Variants in NLGN1 observed in about 807,000 individuals in gnomAD.
The protein encoded by NLGN1 is neuroligin-1.
In NLGN1, 12 loss-of-function variants were observed where a neutral mutation model predicts 65.5. The ratio of observed to expected loss-of-function variants is 0.18; its 90% CI spans 0.12 to 0.30. The LOEUF is 0.30. NLGN1 is among the 10% of genes least tolerant of loss of function. The pLI is 1.00. For missense variants in NLGN1, 750 were observed against 1,007.1 expected, an observed-to-expected ratio of 0.74 and a Z score of 3.46; for synonymous variants, 350 against 359.5, an observed-to-expected ratio of 0.97 and a Z score of 0.30.
chr3:174,178,190 T>G (rs948856702), intron 4 of NLGN1, among the ~76,000 whole-genome samples: 5 of 152,124 alleles, frequency 3.3e-5, no homozygotes, highest in African/African-American at 1.2e-4. Flanking sequence ...CAGAAGCTTT[T>G]TCTCTTGATT....
chr3:174,018,000 A>T (rs536493985), intron 4 of NLGN1, among the ~76,000 whole-genome samples: 11 of 152,180 alleles, frequency 7.2e-5, no homozygotes, highest in Admixed American at 6.5e-4. Context: ...GGCTTATTTC[A>T]TCCCTTATCT....
chr3:173,686,454 C>T (rs913132989), intron 3 of NLGN1, among the ~76,000 whole-genome samples: 4 of 151,956 alleles, frequency 2.6e-5, no homozygotes, highest in Non-Finnish European at 4.4e-5. Flanking sequence ...CTGGGACTGA[C>T]TCTAATGGGA....
chr3:173,774,991 A>C (rs561548031), intron 3 of NLGN1, among the ~76,000 whole-genome samples: 1 of 152,248 alleles, frequency 6.6e-6, no homozygotes, highest in African/African-American at 2.4e-5. Context: ...TTATAATTGA[A>C]TCTTCTTCAA....
intron 4 of NLGN1, among the ~76,000 whole-genome samples, chr3:173,908,989 A>G (rs1045464732): frequency 1.1e-4 from 16 of 152,214 alleles, no homozygotes; most frequent in Admixed American, 6.5e-4. Context: ...CTTAAGAATC[A>G]TTAGTCTTTC....
intron 3 of NLGN1, among the ~76,000 whole-genome samples, chr3:173,751,934 G>C (rs1776359494): frequency 6.6e-6 from 1 of 152,046 alleles, no homozygotes; most frequent in Non-Finnish European, 1.5e-5. Context: ...AAATCACAGA[G>C]CTGTGATTTG....
Position 173,992,410 on chromosome 3 carries a change from G to A in NLGN1, c.646+184578G>A, listed in dbSNP as rs565520869. 5.3e-5 allele frequency among the ~76,000 whole-genome samples: 8 copies of A among 152,218 alleles called. No individual in the cohort carries two copies. The East Asian group carries it at 1.5e-3, about 29-fold the overall frequency. On this transcript the variant is annotated intron_variant, in intron 4 of 6. Transcript: ENST00000457714. ...CAGAGATACAGAAAGAACAAATTGA[G>A]AAAGTCTTTTTTTTACTCCACCCCT...
chr3:174,004,640 G>A lies in NLGN1; in HGVS notation c.646+196808G>A, dbSNP rs1723993227. ...GTGGATCTATGTTGGCTTCTTTTTA[G>A]TTGGTTATTTTCTGAATGCAAAGAT... On this transcript the variant is annotated intron_variant, in intron 4 of 6. Transcript: ENST00000457714. 5.9e-5 allele frequency among the ~76,000 whole-genome samples: 9 copies of A among 152,214 alleles called. No individual in the cohort carries two copies. In the South Asian group the frequency reaches 1.9e-3, roughly 32 times the overall value.
intron 4 of NLGN1, among the ~76,000 whole-genome samples, chr3:173,967,332 T>G (rs1039381100): frequency 2.6e-5 from 4 of 152,192 alleles, no homozygotes; most frequent in Non-Finnish European, 5.9e-5. Context: ...GTGACTGTGC[T>G]ACGCAAACTC....
At chr3:173,862,099 T>A (rs907192495) in intron 4 of NLGN1, among the ~76,000 whole-genome samples, 1 of 152,066 alleles carries the variant, frequency 6.6e-6, no homozygotes, top group African/African-American at 2.4e-5. Flanking sequence ...TCTAGGTAGT[T>A]AAAAATATTA....
intron 2 of NLGN1, among the ~76,000 whole-genome samples, chr3:173,493,013 G>A (rs1298837570): frequency 6.6e-6 from 1 of 151,698 alleles, no homozygotes; most frequent in African/African-American, 2.4e-5. Flanking sequence ...ATTATTATAT[G>A]TTAATGAATA....
chr3:173,465,443 A>G lies in NLGN1; in HGVS notation c.-321+30365A>G, dbSNP rs575702325. ...GCAAGGGGCAGAAACATCACCCCCT[A>G]GCACACAAAATTACAAAAGTTATTT... is the stretch of plus-strand genomic sequence containing the variant. On this transcript the variant is annotated intron_variant, in intron 2 of 6. Transcript: ENST00000457714. Among the ~76,000 whole-genome samples, 3 of 152,348 alleles carry G rather than the reference A, an allele frequency of 2.0e-5. No individual in the cohort carries two copies. The South Asian group carries it at 6.2e-4, about 32-fold the overall frequency.
At chr3:173,729,295 G>C (rs943030811) in intron 3 of NLGN1, among the ~76,000 whole-genome samples, 2 of 152,012 alleles carry the variant, frequency 1.3e-5, no homozygotes. Context: ...GTTGAGTTCA[G>C]ATTCATCAAT....
intron 2 of NLGN1, among the ~76,000 whole-genome samples, chr3:173,575,638 G>T (rs1462230543): frequency 6.6e-6 from 1 of 151,922 alleles, no homozygotes; most frequent in African/African-American, 2.4e-5. Flanking sequence ...TCCCATCCTT[G>T]GCTGTCATTT....
At chr3:173,535,891 T>C (rs1737354770) in intron 2 of NLGN1, among the ~76,000 whole-genome samples, 1 of 152,180 alleles carries the variant, frequency 6.6e-6, no homozygotes, top group Non-Finnish European at 1.5e-5. Flanking sequence ...TTGATAGAAC[T>C]GAGAAAACAT....
chr3:174,179,528 A>G (rs1730008544), intron 4 of NLGN1, among the ~76,000 whole-genome samples: 1 of 152,084 alleles, frequency 6.6e-6, no homozygotes, highest in Non-Finnish European at 1.5e-5. Flanking sequence ...CCGCCTTAAT[A>G]TTGTTTGTTA....
chr3:174,123,895 A>G (rs568927678), intron 4 of NLGN1, among the ~76,000 whole-genome samples: 2 of 152,264 alleles, frequency 1.3e-5, no homozygotes, highest in South Asian at 2.1e-4. Flanking sequence ...CAAGTCTTGT[A>G]TATCATCATA....
intron 2 of NLGN1, among the ~76,000 whole-genome samples, chr3:173,456,656 T>C (rs1211129008): frequency 6.6e-6 from 1 of 152,028 alleles, no homozygotes; most frequent in Non-Finnish European, 1.5e-5. Flanking sequence ...TAGGATTAGA[T>C]GATGGAACCA....
chr3:174,066,564 C>CTCTCTCTG (rs1553925385), intron 4 of NLGN1, among the ~76,000 whole-genome samples: 1,215 of 99,672 alleles, frequency 0.012, 24 homozygotes, highest in East Asian at 0.033. Flanking sequence ...CTCTCTCTCT[C>CTCTCTCTG]TGTGTGTGTG....
chr3:173,562,202 A>C lies in NLGN1; in HGVS notation c.-320-42077A>C, dbSNP rs561711107. Among the ~76,000 whole-genome samples the C allele has an allele frequency of 1.2e-4, 18 of 152,294 alleles. No homozygotes were observed. The East Asian group carries it at 2.9e-3, about 24-fold the overall frequency. ...AGAGTAGCTTGAGCTAATCCTAGAA[A>C]TTGCATATGTGTGTGCATGCATGTG... On this transcript the variant is annotated intron_variant, in intron 2 of 6. Coordinates refer to ENST00000457714, the Ensembl canonical transcript of NLGN1.
Sources: gnomAD v4.1 joint callset for allele counts (sites outside exome capture counted in the v4.1 genomes callset) on GRCh38, gnomAD v4.1.1 for gene constraint, MANE v1.5 for transcripts, NCBI Gene and HGNC (gene_info 2026-07-23, HGNC 2026-07-21) for gene names.